The following CDR2 variants were observed in gnomAD, a reference collection of about 807,000 sequenced individuals.
CDR2 encodes cerebellar degeneration-related protein 2.
CDR2 carries 34 observed loss-of-function variants against 48.4 expected under a neutral mutation model. The ratio of observed to expected loss-of-function variants is 0.70; its 90% CI spans 0.53 to 0.94. The LOEUF is 0.94. Among genes scored for constraint, CDR2 ranks in the 40% least tolerant of loss-of-function variants. The probability of loss-of-function intolerance (pLI) is 0.00; values close to 1 mark genes in which losing one functional copy is unlikely to be tolerated. For synonymous variants in CDR2, 240 were observed against 219.7 expected (o/e 1.09, Z -0.82); for missense variants, 498 against 549.5 (o/e 0.91, Z 0.94).
Position 22,347,271 on chromosome 16 carries a change from G to A in CDR2, c.1059C>T (p.Tyr353=), listed in dbSNP as rs1209939875. The change falls in exon 5 of 5, where the codon TAC becomes TAT. Residue 353 remains tyrosine (Y), a synonymous_variant. Transcript: ENST00000268383. The part of the protein sequence containing the change: ...ISLLHEVDTQ[Y]SALKVKYEEL... ...CTTCATACTTCACCTTCAGGGCGCT[G>A]TACTGCGTGTCCACTTCGTGCAGAA... 2 of 1,614,228 alleles carry A rather than the reference G, an allele frequency of 1.2e-6. No individual in the cohort carries two copies. Among genetic ancestry groups the A allele is most frequent in the African/African-American group, 1.3e-5 (1 of 75,060 alleles).
At chr16:22,370,711 C>T (rs2049070062) in intron 1 of CDR2, among the ~76,000 whole-genome samples, 2 of 152,158 alleles carry the variant, frequency 1.3e-5, no homozygotes, top group East Asian at 1.9e-4. Flanking sequence ...GTTTTCTCCT[C>T]CTGCCTACAC....
rs764092479 is a variant in CDR2 at position 22,349,251 on chromosome 16, G to GT, written c.506+27dup. On this transcript the variant is annotated intron_variant, in intron 4 of 4. Coordinates refer to ENST00000268383, the MANE Select transcript of CDR2 (RefSeq NM_001802.2). ...CCAATGACATGAGACAGTCCCTGCT[G>GT]TAACTCCACAGAAAGGCAGGCTCTT... 191 of 1,612,846 alleles carry GT rather than the reference G, an allele frequency of 1.2e-4. No homozygotes were observed. The South Asian group carries it at 2.0e-3, about 17-fold the overall frequency.
At chr16:22,371,881 T>C (rs1299230467) in intron 1 of CDR2, among the ~76,000 whole-genome samples, 1 of 144,512 alleles carries the variant, frequency 6.9e-6, no homozygotes, top group Non-Finnish European at 1.5e-5. Context: ...TGTGTGTGTG[T>C]GTGTTTTGAG....
chr16:22,357,318 G>A (rs1237752790), intron 2 of CDR2, among the ~76,000 whole-genome samples: 1 of 152,190 alleles, frequency 6.6e-6, no homozygotes, highest in African/African-American at 2.4e-5. Context: ...CAAAGTGAAG[G>A]GATTACAGGC....
intron 1 of CDR2, among the ~76,000 whole-genome samples, chr16:22,369,347 A>G (rs995490090): frequency 6.6e-6 from 1 of 151,974 alleles, no homozygotes; most frequent in Non-Finnish European, 1.5e-5. Flanking sequence ...CCCAGAATCC[A>G]GACTGTCTTG....
intron 2 of CDR2, among the ~76,000 whole-genome samples, chr16:22,356,953 GAAAAAAA>G (rs1162529433): frequency 1.1e-5 from 1 of 87,518 alleles, no homozygotes; most frequent in Non-Finnish European, 2.3e-5. Context: ...AAAAAAAAAA[GAAAAAAA>G]AAAAAAAAAA....
intron 2 of CDR2, among the ~76,000 whole-genome samples, chr16:22,362,731 G>A (rs567259513): frequency 1.3e-5 from 2 of 152,236 alleles, no homozygotes; most frequent in African/African-American, 4.8e-5. Context: ...CCTTGACCAC[G>A]TAAAACATTT....
At chr16:22,348,233 G>A (rs1023537588) in intron 4 of CDR2, among the ~76,000 whole-genome samples, 4 of 152,042 alleles carry the variant, frequency 2.6e-5, no homozygotes, top group African/African-American at 9.7e-5. Context: ...CACCACACCC[G>A]GCCAACAGTG....
intron 1 of CDR2, among the ~76,000 whole-genome samples, chr16:22,365,516 G>A (rs981287554): frequency 2.0e-5 from 3 of 152,148 alleles, no homozygotes; most frequent in African/African-American, 7.2e-5. Flanking sequence ...AAATACATCA[G>A]CATTAAGAAC....
At chr16:22,351,601 A>AAT (rs1361669914) in intron 2 of CDR2, among the ~76,000 whole-genome samples, 1 of 152,224 alleles carries the variant, frequency 6.6e-6, no homozygotes, top group Non-Finnish European at 1.5e-5. Flanking sequence ...TTTGACGAGA[A>AAT]ATATATTTTA....
At chr16:22,353,260 C>G (rs992845280) in intron 2 of CDR2, among the ~76,000 whole-genome samples, 5 of 152,034 alleles carry the variant, frequency 3.3e-5, no homozygotes, top group Admixed American at 3.3e-4. Context: ...TGTGAAAGGC[C>G]GATTCATGAA....
chr16:22,353,181 G>T (rs2048953522), intron 2 of CDR2, among the ~76,000 whole-genome samples: 4 of 152,068 alleles, frequency 2.6e-5, no homozygotes, highest in Admixed American at 2.0e-4. Flanking sequence ...TATACAACAG[G>T]AACTGTTCCT....
chr16:22,367,268 T>C (rs148666286), intron 1 of CDR2: 2 of 152,166 alleles, frequency 1.3e-5, no homozygotes, highest in African/African-American at 4.8e-5. Context: ...CCTCAACACA[T>C]CCTCCCACAT....
At chr16:22,352,718 G>T (rs1188860226) in intron 2 of CDR2, among the ~76,000 whole-genome samples, 1 of 152,136 alleles carries the variant, frequency 6.6e-6, no homozygotes, top group Non-Finnish European at 1.5e-5. Flanking sequence ...AGAGCTTTTT[G>T]AGTTCGGAAT....
At chr16:22,353,428 TCTC>T (rs1321489986) in intron 2 of CDR2, among the ~76,000 whole-genome samples, 5 of 152,180 alleles carry the variant, frequency 3.3e-5, no homozygotes, top group Admixed American at 6.5e-5. Context: ...TAATGTGAGT[TCTC>T]CTCATCAACT....
Position 22,356,277 on chromosome 16 carries a change from G to A in CDR2, c.193-6428C>T, listed in dbSNP as rs377364354. Among the ~76,000 whole-genome samples, 15 of 152,198 alleles carry A rather than the reference G, an allele frequency of 9.9e-5. No homozygotes were observed. In the East Asian group the frequency reaches 1.4e-3, roughly 14 times the overall value. ...CACCAAAGAAAGATTATAAATTCCAGTTATCCTTCTGGCCTCATTTCAAAC... is the reference window on the plus strand; with the variant it reads ...CACCAAAGAAAGATTATAAATTCCAATTATCCTTCTGGCCTCATTTCAAAC... On this transcript the variant is annotated intron_variant, in intron 2 of 4. Transcript: ENST00000268383.
At chr16:22,364,859 C>T (rs762556350) in intron 2 of CDR2, 43 bp downstream of exon 2, 5 of 1,118,666 alleles carry the variant, frequency 4.5e-6, no homozygotes, top group Middle Eastern at 1.9e-4. Flanking sequence ...AACAGCAACA[C>T]ATCGAAGTGT....
At chr16:22,349,234 A>G (rs1443554037) in intron 4 of CDR2, 45 bp downstream of exon 4, 1 of 1,601,408 alleles carries the variant, frequency 6.2e-7, no homozygotes, top group African/African-American at 1.3e-5. Flanking sequence ...TGCCAATGAC[A>G]TGAGACAGTC....
chr16:22,368,855 T>G (rs2049059059), intron 1 of CDR2: 1 of 152,242 alleles, frequency 6.6e-6, no homozygotes, highest in South Asian at 2.1e-4. Flanking sequence ...TGGGTTTTTA[T>G]TGCCTGCTCT....
Sources: allele counts gnomAD v4.1 joint callset (sites outside exome capture counted in the v4.1 genomes callset), GRCh38; gene constraint gnomAD v4.1.1; transcripts MANE v1.5; gene names NCBI Gene and HGNC (gene_info 2026-07-23, HGNC 2026-07-21).